Variants in GRIK2 observed in about 807,000 individuals in gnomAD.
GRIK2 encodes glutamate receptor ionotropic, kainate 2.
In GRIK2, 32 loss-of-function variants were observed where a neutral mutation model predicts 100.3. That is an observed-to-expected ratio of 0.32 (90% CI 0.24 to 0.43). GRIK2 has a LOEUF of 0.43. GRIK2 is among the 20% of genes least tolerant of loss of function. The pLI is 1.00. For synonymous variants in GRIK2, 417 were observed against 389.4 expected, an observed-to-expected ratio of 1.07 and a Z score of -0.83; for missense variants, 843 against 1,114.9, an observed-to-expected ratio of 0.76 and a Z score of 3.47.
At chr6:101,968,116 A>C (rs1006820093) in intron 14 of GRIK2, among the ~76,000 whole-genome samples, 4 of 152,088 alleles carry the variant, frequency 2.6e-5, no homozygotes. Flanking sequence ...GTGAAACAAT[A>C]AAATATAATT....
intron 2 of GRIK2, among the ~76,000 whole-genome samples, chr6:101,475,878 A>T (rs1772202059): frequency 6.6e-6 from 1 of 152,024 alleles, no homozygotes; most frequent in Admixed American, 6.6e-5. Flanking sequence ...GCTCAACAGT[A>T]GAAGAGTAGT....
chr6:101,583,930 T>G (rs1033857135), intron 2 of GRIK2, among the ~76,000 whole-genome samples: 4 of 152,124 alleles, frequency 2.6e-5, no homozygotes, highest in African/African-American at 9.7e-5. Context: ...GAACAAAAGC[T>G]TTTTTAATAT....
At position 101,735,311 on chromosome 6, in the gene GRIK2, G is replaced by C. The variant is rs973805834; in HGVS notation, c.951+48958G>C. 4.6e-5 allele frequency among the ~76,000 whole-genome samples: 7 copies of C among 152,070 alleles called. No homozygotes were observed. In the East Asian group the frequency reaches 1.2e-3, roughly 25 times the overall value. ...TGGAGGTACCATCAACTTTTTTTTG[G>C]CTCCTATTGTATTCAATATGTTGAC... On this transcript the variant is annotated intron_variant, in intron 7 of 16. Transcript: ENST00000369134.
At chr6:101,436,985 A>G (rs905424318) in intron 2 of GRIK2, among the ~76,000 whole-genome samples, 11 of 151,162 alleles carry the variant, frequency 7.3e-5, no homozygotes, top group Non-Finnish European at 1.5e-4. Context: ...TATGTATTGC[A>G]TGAATTTTAA....
intron 2 of GRIK2, among the ~76,000 whole-genome samples, chr6:101,581,396 G>A (rs764864511): frequency 2.6e-5 from 4 of 151,980 alleles, no homozygotes; most frequent in South Asian, 2.1e-4. Flanking sequence ...AAGCTGAGGA[G>A]CAAGGAATCC....
intron 10 of GRIK2, among the ~76,000 whole-genome samples, chr6:101,841,665 G>C (rs1279688707): frequency 6.6e-6 from 1 of 152,040 alleles, no homozygotes; most frequent in African/African-American, 2.4e-5. Flanking sequence ...CGCCCAGCCT[G>C]CAGAAAGATT....
rs1772132876 is a variant in GRIK2 at position 102,068,662 on chromosome 6, C to A, written c.*151C>A. The A allele has an allele frequency of 1.6e-6, 1 of 634,966 alleles. No individual in the cohort carries two copies. The highest frequency in any genetic ancestry group is 2.7e-6 in the Non-Finnish European group (1 of 369,260). 39.3% of individuals were successfully genotyped at this position (634,966 alleles called of 1,614,324 possible). Reference sequence around the variant, plus strand: ...TGAACTAGAGACTCTGTGATCTAAGCAGTTGCAATGATCAGACTTGATTTA... The same window carrying A: ...TGAACTAGAGACTCTGTGATCTAAGAAGTTGCAATGATCAGACTTGATTTA... On this transcript the variant is annotated 3_prime_UTR_variant, in exon 17 of 17. Coordinates refer to ENST00000369134, the MANE Select transcript of GRIK2 (RefSeq NM_021956.5).
chr6:101,871,837 C>T (rs1314886889), intron 11 of GRIK2, among the ~76,000 whole-genome samples: 2 of 151,896 alleles, frequency 1.3e-5, no homozygotes, highest in East Asian at 3.9e-4. Flanking sequence ...CTGTGATGAA[C>T]ATACAGGTGA....
chr6:101,657,928 T>C (rs1169370014), intron 4 of GRIK2, among the ~76,000 whole-genome samples: 4 of 152,160 alleles, frequency 2.6e-5, no homozygotes, highest in East Asian at 1.9e-4. Flanking sequence ...CTTTCACTTA[T>C]GCTGATAGAG....
chr6:101,687,774 A>G (rs1045380125), intron 7 of GRIK2, among the ~76,000 whole-genome samples: 1 of 151,828 alleles, frequency 6.6e-6, no homozygotes, highest in African/African-American at 2.4e-5. Context: ...ACTTCGTTGC[A>G]TAAAGAGATA....
At chr6:101,561,100 C>T (rs531612062) in intron 2 of GRIK2, among the ~76,000 whole-genome samples, 1 of 152,118 alleles carries the variant, frequency 6.6e-6, no homozygotes, top group East Asian at 1.9e-4. Context: ...TATGAAGTTT[C>T]AATATATTTA....
At chr6:101,857,689 C>T (rs890025446) in intron 10 of GRIK2, among the ~76,000 whole-genome samples, 16 of 152,310 alleles carry the variant, frequency 1.1e-4, no homozygotes, top group African/African-American at 3.8e-4. Context: ...ATAGCAGAAC[C>T]AATTGTTGCA....
At chr6:101,991,440 T>C (rs889852239) in intron 14 of GRIK2, among the ~76,000 whole-genome samples, 3 of 150,906 alleles carry the variant, frequency 2.0e-5, no homozygotes, top group African/African-American at 7.3e-5. Flanking sequence ...TTGTAAATAA[T>C]AATATTGAAA....
Position 101,614,818 on chromosome 6 carries a change from A to G in GRIK2, c.116-7131A>G, listed in dbSNP as rs184590946. On this transcript the variant is annotated intron_variant, in intron 2 of 16. Transcript: ENST00000369134. ...CAAAACACAGATTGTACTCACTTTAAGGTAAGACCTATTTGAAAAGTCTCA... is the reference window on the plus strand; with the variant it reads ...CAAAACACAGATTGTACTCACTTTAGGGTAAGACCTATTTGAAAAGTCTCA... Among the ~76,000 whole-genome samples the G allele has an allele frequency of 1.9e-4, 29 of 151,892 alleles. No homozygotes were observed. The East Asian group carries it at 5.6e-3, about 29-fold the overall frequency.
intron 12 of GRIK2, among the ~76,000 whole-genome samples, chr6:101,909,019 CA>C (rs978054697): frequency 1.9e-4 from 29 of 151,066 alleles, no homozygotes; most frequent in African/African-American, 6.8e-4. Flanking sequence ...GGATTCTCTT[CA>C]AAAAAATAAT....
chr6:101,730,883 T>C (rs1349144779), intron 7 of GRIK2, among the ~76,000 whole-genome samples: 2 of 151,164 alleles, frequency 1.3e-5, no homozygotes, highest in African/African-American at 4.9e-5. Context: ...TTAAAAAGAG[T>C]GAAGAGAGAG....
chr6:101,790,002 CTGTT>C (rs1185182495), intron 7 of GRIK2, among the ~76,000 whole-genome samples: 2 of 152,096 alleles, frequency 1.3e-5, no homozygotes, highest in African/African-American at 4.8e-5. Flanking sequence ...ATTTGGCTCT[CTGTT>C]TGTTTGTTAT....
intron 3 of GRIK2, among the ~76,000 whole-genome samples, chr6:101,623,923 A>C (rs532200165): frequency 6.6e-6 from 1 of 152,000 alleles, no homozygotes; most frequent in African/African-American, 2.4e-5. Context: ...CAGAGCCAAT[A>C]TTTTTTTAAC....
chr6:101,872,568 T>C (rs1183204044), intron 11 of GRIK2, among the ~76,000 whole-genome samples: 1 of 151,826 alleles, frequency 6.6e-6, no homozygotes, highest in Admixed American at 6.6e-5. Flanking sequence ...AATTCAAGAT[T>C]AGATTTGGGT....
Sources: allele counts gnomAD v4.1 joint callset (sites outside exome capture counted in the v4.1 genomes callset), GRCh38; gene constraint gnomAD v4.1.1; transcripts MANE v1.5; gene names NCBI Gene and HGNC (gene_info 2026-07-23, HGNC 2026-07-21).